Variants in SCIN observed in about 807,000 individuals in gnomAD.
SCIN encodes the protein adseverin.
In SCIN, 91 loss-of-function variants were observed where a neutral mutation model predicts 91.8. The ratio of observed to expected loss-of-function variants is 0.99; its 90% CI spans 0.84 to 1.18. The LOEUF (loss-of-function observed/expected upper bound fraction) is 1.18, where lower values mean the gene tolerates loss of function less well. SCIN is among the 50% of genes most tolerant of loss of function. SCIN has a pLI of 0.00. For missense variants in SCIN, 1,087 were observed against 863.9 expected (o/e 1.26, Z -3.24); for synonymous variants, 367 against 312.6 (o/e 1.17, Z -1.84).
At chr7:12,584,064 G>T (rs1012949619) in intron 3 of SCIN, among the ~76,000 whole-genome samples, 16 of 152,196 alleles carry the variant, frequency 1.1e-4, no homozygotes, top group African/African-American at 3.9e-4. Flanking sequence ...ATACCTCCAG[G>T]ATCTGTGTTT....
intron 14 of SCIN, 122 bp downstream of exon 14, chr7:12,649,666 A>AAC (rs1784040689): frequency 1.4e-5 from 7 of 506,898 alleles, no homozygotes; most frequent in Non-Finnish European, 1.0e-5. Context: ...GTATTTAAAA[A>AAC]ACACACACAC....
At chr7:12,645,605 T>C (rs1783950077) in intron 13 of SCIN, among the ~76,000 whole-genome samples, 1 of 152,130 alleles carries the variant, frequency 6.6e-6, no homozygotes. Context: ...TTAAGCCTAG[T>C]ATCCATTAGT....
intron 2 of SCIN, among the ~76,000 whole-genome samples, chr7:12,579,978 C>G (rs1253707384): frequency 6.6e-6 from 1 of 151,950 alleles, no homozygotes; most frequent in African/African-American, 2.4e-5. Context: ...GTTTATTCAA[C>G]CAAGAAATGT....
chr7:12,603,743 T>C (rs1000865137), intron 3 of SCIN, among the ~76,000 whole-genome samples: 2 of 152,138 alleles, frequency 1.3e-5, no homozygotes, highest in Non-Finnish European at 2.9e-5. Context: ...TTATTCTGTT[T>C]CGACTTTTTC....
intron 11 of SCIN, among the ~76,000 whole-genome samples, chr7:12,643,041 G>A (rs968663421): frequency 6.6e-6 from 1 of 151,896 alleles, no homozygotes; most frequent in African/African-American, 2.4e-5. Context: ...ATTATCTACG[G>A]GCATTCTCAG....
At chr7:12,577,789 G>C (rs1347479228) in intron 1 of SCIN, 4 of 430,012 alleles carry the variant, frequency 9.3e-6, no homozygotes, top group South Asian at 9.0e-5. Flanking sequence ...CCCAGAGTTT[G>C]GGGTTACAGT....
At chr7:12,579,185 G>A (rs754656664) in intron 2 of SCIN, among the ~76,000 whole-genome samples, 1 of 151,994 alleles carries the variant, frequency 6.6e-6, no homozygotes, top group Non-Finnish European at 1.5e-5. Flanking sequence ...CTAAGATGGC[G>A]AGGTTTATTT....
intron 5 of SCIN, 34 bp from the exon 6 acceptor site, chr7:12,624,976 A>G (rs965801891): frequency 6.5e-7 from 1 of 1,544,332 alleles, no homozygotes; most frequent in Non-Finnish European, 8.7e-7. Flanking sequence ...ATCATCCCCA[A>G]ATGAAAACAT....
chr7:12,652,547 C>G, intron 15 of SCIN, 41 bp from the exon 16 acceptor site: 3 of 1,588,608 alleles, frequency 1.9e-6, no homozygotes, highest in Non-Finnish European at 2.6e-6. Context: ...TTAGTTTAAC[C>G]CAAACTAACT....
rs1006430619 is a variant in SCIN, at chr7:12,652,440, C to A, written c.2021-148C>A. ...TTACTTTGATTTGAAGAATTGTATT[C>A]GAAGAATTTTCATTTTCAATGTAGC... On this transcript the variant is annotated intron_variant, in intron 15 of 15. Coordinates refer to ENST00000297029, the MANE Select transcript of SCIN (RefSeq NM_001112706.3). 4.3e-6 allele frequency: 3 copies of A among 702,120 alleles called. No individual in the cohort carries two copies. The East Asian group carries it at 9.3e-5, about 22-fold the overall frequency. 43.5% of individuals were successfully genotyped at this position (702,120 alleles called of 1,614,324 possible).
chr7:12,582,805 T>C (rs1465194519), intron 3 of SCIN, among the ~76,000 whole-genome samples: 1 of 152,196 alleles, frequency 6.6e-6, no homozygotes, highest in Non-Finnish European at 1.5e-5. Flanking sequence ...CATAAATGTC[T>C]ACAGCCACAC....
chr7:12,607,029 C>T (rs910402740), intron 4 of SCIN, among the ~76,000 whole-genome samples: 5 of 152,164 alleles, frequency 3.3e-5, no homozygotes, highest in Non-Finnish European at 7.3e-5. Flanking sequence ...TGACTGTAAT[C>T]CCTTGTCTCA....
At position 12,581,221 on chromosome 7, in the gene SCIN, C is replaced by T. The variant is rs774026855; in HGVS notation, c.516C>T (p.Thr172=). 5.2e-6 allele frequency: 8 copies of T among 1,550,780 alleles called. No homozygotes were observed. Among genetic ancestry groups the T allele is most frequent in the South Asian group, 1.2e-5 (1 of 84,006 alleles). Residue 172 remains threonine, a splice_region_variant and synonymous_variant, in exon 3 of 16, where the codon ACC becomes ACT. Coordinates refer to ENST00000297029, the MANE Select transcript of SCIN (RefSeq NM_001112706.3). ...KGDCFIIDLG[T]EIYQWCGSSC... ...ACTGCTTCATCATTGACCTTGGCAC[C>T]GTAAGTTTCATATATACACATCGAT...
intron 14 of SCIN, 83 bp downstream of exon 14, chr7:12,649,627 A>G (rs1008402969): frequency 2.3e-6 from 2 of 863,436 alleles, no homozygotes; most frequent in Middle Eastern, 2.2e-4. Context: ...TGGTAAGTCT[A>G]GATATAAATG....
chr7:12,586,447 G>A (rs1439286972), intron 3 of SCIN, among the ~76,000 whole-genome samples: 1 of 152,082 alleles, frequency 6.6e-6, no homozygotes, highest in Non-Finnish European at 1.5e-5. Flanking sequence ...ATGCTCATGA[G>A]GATGCCGAGA....
chr7:12,634,183 G>A (rs1046224481), intron 9 of SCIN, among the ~76,000 whole-genome samples: 1 of 152,044 alleles, frequency 6.6e-6, no homozygotes, highest in Non-Finnish European at 1.5e-5. Context: ...ATTAGGATTG[G>A]TGCAAAAGTA....
At chr7:12,631,641 G>A (rs1783645383) in intron 9 of SCIN, among the ~76,000 whole-genome samples, 1 of 152,170 alleles carries the variant, frequency 6.6e-6, no homozygotes, top group South Asian at 2.1e-4. Flanking sequence ...GTGATGACCT[G>A]CACTGCCTCA....
intron 13 of SCIN, among the ~76,000 whole-genome samples, chr7:12,648,831 G>T (rs911502234): frequency 6.6e-6 from 1 of 152,128 alleles, no homozygotes; most frequent in East Asian, 1.9e-4. Flanking sequence ...AGTTTATTGA[G>T]ATGCAAGGCT....
At chr7:12,621,560 C>A (rs960599093) in intron 4 of SCIN, among the ~76,000 whole-genome samples, 5 of 148,472 alleles carry the variant, frequency 3.4e-5, no homozygotes, top group East Asian at 2.0e-4. Flanking sequence ...GTGAGGAGAT[C>A]TTTGATGGCT....
Sources: gnomAD v4.1 joint callset for allele counts (sites outside exome capture counted in the v4.1 genomes callset) on GRCh38, gnomAD v4.1.1 for gene constraint, MANE v1.5 for transcripts, NCBI Gene and HGNC (gene_info 2026-07-23, HGNC 2026-07-21) for gene names.